GRIP1: variants seen among roughly 807,000 people sequenced by gnomAD.
GRIP1 encodes the protein glutamate receptor interacting protein 1.
A neutral mutation model predicts 129.9 loss-of-function variants in GRIP1; 45 were observed. The observed-to-expected ratio is 0.35, with a 90% CI of 0.27 to 0.44. The LOEUF (loss-of-function observed/expected upper bound fraction) is 0.44. GRIP1 is among the 20% of genes least tolerant of loss of function. GRIP1 has a pLI of 1.00. For synonymous variants in GRIP1, 530 were observed against 520.8 expected (o/e 1.02, Z -0.24); for missense variants, 1,196 against 1,396.8 (o/e 0.86, Z 2.29).
intron 1 of GRIP1, among the ~76,000 whole-genome samples, chr12:66,896,663 G>A (rs1431706688): frequency 6.6e-6 from 1 of 152,138 alleles, no homozygotes; most frequent in Non-Finnish European, 1.5e-5. Flanking sequence ...ATGTCATGGT[G>A]ACATAAAGAA....
At chr12:67,004,124 A>C (rs2042592951) in intron 1 of GRIP1, among the ~76,000 whole-genome samples, 2 of 152,234 alleles carry the variant, frequency 1.3e-5, no homozygotes, top group Non-Finnish European at 2.9e-5. Context: ...CAAGATCCTT[A>C]ACTACTAATC....
chr12:67,002,520 T>C (rs966436591), intron 1 of GRIP1, among the ~76,000 whole-genome samples: 1 of 152,228 alleles, frequency 6.6e-6, no homozygotes, highest in African/African-American at 2.4e-5. Context: ...GAGATAATAT[T>C]GGCCTTTTCC....
rs145775126 is a variant in GRIP1, at chr12:66,410,763, G to A, written c.1839-4335C>T. Among the ~76,000 whole-genome samples the A allele has an allele frequency of 3.1e-3, 473 of 152,296 alleles. 2 individuals carry two copies. The highest frequency in any genetic ancestry group is 0.011 in the African/African-American group (443 of 41,560). On this transcript the variant is annotated intron_variant, in intron 15 of 24. Coordinates refer to ENST00000359742, the MANE Select transcript of GRIP1 (RefSeq NM_001366722.1). Reference sequence around the variant, plus strand: ...CGGCCTTAAAGACGAGGTAGAGAGAGGGATGGGGTAGAAATTTTATTCAAA... The same window carrying A: ...CGGCCTTAAAGACGAGGTAGAGAGAAGGATGGGGTAGAAATTTTATTCAAA...
chr12:66,970,920 T>C (rs1034158910), intron 1 of GRIP1, among the ~76,000 whole-genome samples: 3 of 152,238 alleles, frequency 2.0e-5, no homozygotes, highest in South Asian at 2.1e-4. Flanking sequence ...ATAGAGAACA[T>C]TCTGAGCGCA....
intron 2 of GRIP1, among the ~76,000 whole-genome samples, chr12:66,573,551 A>G (rs1048356123): frequency 1.5e-4 from 23 of 152,208 alleles, no homozygotes; most frequent in African/African-American, 5.6e-4. Flanking sequence ...AACTGAAGCA[A>G]CCAGCTTAAT....
chr12:67,002,285 G>A (rs188126900), intron 1 of GRIP1, among the ~76,000 whole-genome samples: 184 of 152,252 alleles, frequency 1.2e-3, no homozygotes, highest in Admixed American at 2.7e-3. Context: ...AAAAACTGAA[G>A]ACAACCTGAA....
At chr12:66,957,870 A>G (rs947068771) in intron 1 of GRIP1, among the ~76,000 whole-genome samples, 1 of 152,178 alleles carries the variant, frequency 6.6e-6, no homozygotes. Flanking sequence ...ATACTTAAGA[A>G]GTGGAGATTT....
intron 1 of GRIP1, among the ~76,000 whole-genome samples, chr12:66,938,001 T>C (rs187209148): frequency 1.3e-5 from 2 of 152,278 alleles, no homozygotes; most frequent in Admixed American, 1.3e-4. Context: ...TATTGAAGTA[T>C]AAAATAAATA....
rs2054105422 is a variant in GRIP1 at position 66,349,103 on chromosome 12, A to G, written c.3303T>C (p.Asp1101=). 6.2e-6 allele frequency: 10 copies of G among 1,614,128 alleles called. No individual in the cohort carries two copies. Among genetic ancestry groups the G allele is most frequent in the African/African-American group, 2.7e-5 (2 of 75,044 alleles). Residue 1101 remains aspartate (D), a synonymous_variant, in exon 25 of 25, where the codon GAT becomes GAC. Transcript: ENST00000359742. ...KSIDQQSLPG[D]WSEQNSAFFQ... ...AAAAAGCACTGTTCTGTTCACTCCA[A>G]TCTCCTGGTAGACTCTGTTGGTCTA...
intron 1 of GRIP1, among the ~76,000 whole-genome samples, chr12:66,716,265 G>A (rs1006959833): frequency 4.6e-5 from 7 of 151,928 alleles, no homozygotes; most frequent in Non-Finnish European, 1.0e-4. Context: ...ACTGATTTGA[G>A]CAAGTAGAAT....
upstream of GRIP1, chr12:66,804,205 G>C (rs749756659): frequency 2.2e-6 from 1 of 450,128 alleles, no homozygotes; most frequent in African/African-American, 2.0e-5. Flanking sequence ...ACCGTGCAGC[G>C]CGGCACAGCT....
chr12:66,397,286 C>T (rs1295875389), intron 16 of GRIP1, among the ~76,000 whole-genome samples: 2 of 151,774 alleles, frequency 1.3e-5, no homozygotes, highest in South Asian at 2.1e-4. Flanking sequence ...CCAAAGTAGG[C>T]GGATCACCTT....
At chr12:66,882,535 T>C (rs1592926769) in intron 1 of GRIP1, among the ~76,000 whole-genome samples, 1 of 152,168 alleles carries the variant, frequency 6.6e-6, no homozygotes, top group Admixed American at 6.5e-5. Context: ...TCAGTTCCCT[T>C]ATCTGTAAAA....
intron 11 of GRIP1, among the ~76,000 whole-genome samples, chr12:66,448,667 A>G (rs6581697): frequency 0.36 from 55,438 of 151,970 alleles, 10,216 homozygotes; most frequent in East Asian, 0.51. Context: ...CTCAAACTCA[A>G]TGTTTTCAAA....
chr12:66,913,986 T>A (rs1328496240), intron 1 of GRIP1, among the ~76,000 whole-genome samples: 3 of 152,196 alleles, frequency 2.0e-5, no homozygotes, highest in Non-Finnish European at 4.4e-5. Flanking sequence ...CCATGTGTAA[T>A]AGTATACTCT....
intron 1 of GRIP1, among the ~76,000 whole-genome samples, chr12:66,862,962 C>T (rs76179970): frequency 6.6e-6 from 1 of 151,748 alleles, no homozygotes; most frequent in Non-Finnish European, 1.5e-5. Context: ...AAATGTTGTA[C>T]TATTATTGAA....
chr12:66,782,600 A>C (rs2038196989), intron 1 of GRIP1, among the ~76,000 whole-genome samples: 1 of 152,218 alleles, frequency 6.6e-6, no homozygotes, highest in Non-Finnish European at 1.5e-5. Flanking sequence ...AAGATCATGC[A>C]ATCAATTTCT....
upstream of GRIP1, among the ~76,000 whole-genome samples, chr12:66,804,954 C>A (rs961642676): frequency 2.0e-5 from 3 of 152,160 alleles, no homozygotes; most frequent in Admixed American, 2.0e-4. Flanking sequence ...ACACGTTTAC[C>A]CACTGGGCAT....
intron 1 of GRIP1, among the ~76,000 whole-genome samples, chr12:66,924,007 G>T (rs1054675494): frequency 9.9e-5 from 15 of 152,048 alleles, no homozygotes; most frequent in African/African-American, 3.4e-4. Flanking sequence ...ACCACACCCA[G>T]CTGATTTTTA....
Sources: gnomAD v4.1 joint callset for allele counts (sites outside exome capture counted in the v4.1 genomes callset) on GRCh38, gnomAD v4.1.1 for gene constraint, MANE v1.5 for transcripts, NCBI Gene and HGNC (gene_info 2026-07-23, HGNC 2026-07-21) for gene names.